TRIB3: variants seen among roughly 807,000 people sequenced by gnomAD.
The protein encoded by TRIB3 is tribbles homolog 3.
In TRIB3, 20 loss-of-function variants were observed where a neutral mutation model predicts 16.6. The observed-to-expected ratio is 1.20, with a 90% CI of 0.85 to 1.75. The LOEUF is 1.75. Among genes scored for constraint, TRIB3 ranks in the 40% most tolerant of loss-of-function variants. TRIB3 has a pLI of 0.00. For missense variants in TRIB3, 484 were observed against 488.9 expected (o/e 0.99, Z 0.10); for synonymous variants, 208 against 217.0 (o/e 0.96, Z 0.36).
intron 2 of TRIB3, among the ~76,000 whole-genome samples, chr20:390,262 A>C (rs577610584): frequency 6.6e-6 from 1 of 152,034 alleles, no homozygotes; most frequent in Admixed American, 6.6e-5. Context: ...TGGGAGGTGG[A>C]GGTTGCAGTG....
At chr20:390,951 G>A (rs1329808838) in intron 2 of TRIB3, among the ~76,000 whole-genome samples, 5 of 142,810 alleles carry the variant, frequency 3.5e-5, no homozygotes, top group African/African-American at 1.3e-4. Flanking sequence ...GCAGTGAGCT[G>A]AGATTGCGCC....
chr20:394,088 T>A (rs2015057656), intron 3 of TRIB3, among the ~76,000 whole-genome samples: 1 of 150,718 alleles, frequency 6.6e-6, no homozygotes, highest in Non-Finnish European at 1.5e-5. Flanking sequence ...TGGAGTGCAG[T>A]GGCACGATCT....
At position 391,440 on chromosome 20, in the gene TRIB3, C is replaced by G. The variant is rs752911865; in HGVS notation, c.445C>G (p.Arg149Gly). Residue 149 changes from arginine (R) to glycine (G), a missense_variant, in exon 3 of 4, where the codon CGA becomes GGA. Arg to Gly is a moderately radical substitution (Grantham distance 125, BLOSUM62 -2). Coordinates refer to ENST00000217233, the MANE Select transcript of TRIB3 (RefSeq NM_021158.5). ...CCATGGGGACATGCACAGCCTGGTGCGAAGCCGCCACCGTATCCCTGAGCC... is the reference window on the plus strand; with the variant it reads ...CCATGGGGACATGCACAGCCTGGTGGGAAGCCGCCACCGTATCCCTGAGCC... ...RTHGDMHSLV[R>G]SRHRIPEPEA... 2.7e-5 allele frequency: 44 copies of G among 1,613,866 alleles called. No individual in the cohort carries two copies. In the South Asian group the frequency reaches 4.7e-4, roughly 17 times the overall value.
rs143437909 is a variant in TRIB3 at position 388,252 on chromosome 20, G to A, written c.242G>A (p.Arg81Gln). 5.8e-5 allele frequency: 93 copies of A among 1,613,320 alleles called. No individual in the cohort carries two copies. Among genetic ancestry groups the A allele is most frequent in the African/African-American group, 5.5e-4 (41 of 75,064 alleles). ...CTCCTGGAGCCCGAGGAGGGCGGGC[G>A]GGCCTACCAGGCCCTGCACTGCCCT... ...YVLLEPEEGG[R>Q]AYQALHCPTG... is the part of the protein sequence containing the mutation. Residue 81 changes from arginine to glutamine, a missense_variant, in exon 2 of 4, where the codon CGG becomes CAG. Transcript: ENST00000217233.
rs61746925 is a variant in TRIB3, at chr20:388,210, G to A, written c.200G>A (p.Arg67His). The part of the protein sequence containing the change: ...DRATAVATAS[R>H]LGPYVLLEPE... The stretch of plus-strand genomic sequence containing the variant: ...GCAACTGCTGTGGCCACTGCCTCCC[G>A]TCTTGGGCCCTATGTCCTCCTGGAG... Residue 67 changes from arginine to histidine, a missense_variant, in exon 2 of 4, where the codon CGT becomes CAT. By Grantham distance (29) the Arg-to-His change is conservative. Transcript: ENST00000217233. 9.1e-4 allele frequency: 1,469 copies of A among 1,613,874 alleles called. 7 individuals carry two copies. In the African/African-American group the frequency reaches 0.012, roughly 13 times the overall value.
rs201377550 is a variant in TRIB3 at position 388,017 on chromosome 20, G to A, written c.7G>A (p.Ala3Thr). The A allele has an allele frequency of 1.9e-6, 3 of 1,611,410 alleles. No homozygotes were observed. The highest frequency in any genetic ancestry group is 2.5e-6 in the Non-Finnish European group (3 of 1,177,754). MR[A>T]TPLAAPAGSL... ...TTTCTCTCCTTTTTACCAGATGCGA[G>A]CCACCCCTCTGGCTGCTCCTGCGGG... The change falls in exon 2 of 4, where the codon GCC (alanine) becomes ACC (threonine). Residue 3 changes from alanine to threonine, a missense_variant. Transcript: ENST00000217233.
chr20:394,987 C>T (rs1391740190), intron 3 of TRIB3, among the ~76,000 whole-genome samples: 3 of 151,970 alleles, frequency 2.0e-5, no homozygotes, highest in Non-Finnish European at 4.4e-5. Flanking sequence ...CCCTTGTCCC[C>T]CAATACTGTG....
At chr20:383,701 A>G (rs993842093) in intron 1 of TRIB3, among the ~76,000 whole-genome samples, 3 of 152,024 alleles carry the variant, frequency 2.0e-5, no homozygotes, top group African/African-American at 7.2e-5. Context: ...CAGCCTCCCA[A>G]AGTACTGGGA....
At chr20:386,006 C>T (rs1471482144) in intron 1 of TRIB3, among the ~76,000 whole-genome samples, 1 of 151,770 alleles carries the variant, frequency 6.6e-6, no homozygotes, top group African/African-American at 2.4e-5. Flanking sequence ...TACAGGCATC[C>T]ACCACCACAC....
intron 2 of TRIB3, among the ~76,000 whole-genome samples, chr20:390,704 A>G (rs1336060226): frequency 6.6e-6 from 1 of 152,122 alleles, no homozygotes; most frequent in African/African-American, 2.4e-5. Context: ...CGTAGCAGTT[A>G]AGAGCACAGA....
Position 396,328 on chromosome 20 carries a change from G to C in TRIB3, c.715G>C (p.Gly239Arg). 6.2e-7 allele frequency: 1 copy of C among 1,613,746 alleles called. No individual in the cohort carries two copies. Among genetic ancestry groups the C allele is most frequent in the South Asian group, 1.1e-5 (1 of 91,080 alleles). Reference protein sequence around the residue: ...EILSSRASYSGKAADVWSLGV... With the variant: ...EILSSRASYSRKAADVWSLGV... ...ACTCAGCTCACGGGCCTCATACTCG[G>C]GCAAGGCAGCCGATGTCTGGAGCCT... The change falls in exon 4 of 4, where the codon GGC (glycine) becomes CGC (arginine). Residue 239 changes from glycine (G) to arginine (R), a missense_variant. Transcript: ENST00000217233.
chr20:393,485 C>A (rs569202807), intron 3 of TRIB3, among the ~76,000 whole-genome samples: 1 of 152,200 alleles, frequency 6.6e-6, no homozygotes, highest in East Asian at 1.9e-4. Context: ...GTGTGTGCCA[C>A]CCCACCTGGC....
chr20:396,570 G>A lies in TRIB3; in HGVS notation c.957G>A (p.Pro319=), dbSNP rs183328803. The A allele has an allele frequency of 5.0e-6, 8 of 1,613,138 alleles. No individual in the cohort carries two copies. Among genetic ancestry groups the A allele is most frequent in the African/African-American group, 1.3e-5 (1 of 75,070 alleles). ...TGCACCCCTGGCTGCGACAGGACCC[G>A]ATGCCCTTAGCCCCAACCCGATCCC... ...ILLHPWLRQD[P]MPLAPTRSHL... is the part of the protein sequence containing the mutation. Residue 319 remains proline, a synonymous_variant, in exon 4 of 4, where the codon CCG becomes CCA. Coordinates refer to ENST00000217233, the MANE Select transcript of TRIB3 (RefSeq NM_021158.5).
At chr20:393,555 A>T (rs1409250708) in intron 3 of TRIB3, among the ~76,000 whole-genome samples, 2 of 151,978 alleles carry the variant, frequency 1.3e-5, no homozygotes, top group African/African-American at 4.8e-5. Context: ...GAGCTCAAGC[A>T]ATCTGCCTGC....
At chr20:385,084 G>A (rs1366434111) in intron 1 of TRIB3, among the ~76,000 whole-genome samples, 1 of 152,118 alleles carries the variant, frequency 6.6e-6, no homozygotes, top group Non-Finnish European at 1.5e-5. Flanking sequence ...CTTCACAATA[G>A]GGCCTCTACT....
chr20:395,208 G>A (rs1018905263), intron 3 of TRIB3, among the ~76,000 whole-genome samples: 19 of 151,380 alleles, frequency 1.3e-4, no homozygotes, highest in Admixed American at 4.0e-4. Context: ...CACCCAGGCC[G>A]GAGTGCAGTG....
intron 1 of TRIB3, 127 bp from the exon 2 acceptor site, chr20:387,884 T>C (rs1048797002): frequency 8.7e-7 from 1 of 1,143,626 alleles, no homozygotes; most frequent in Non-Finnish European, 1.2e-6. Context: ...ATATGTGACT[T>C]TGTCATTTTA....
Position 396,568 on chromosome 20 carries a change from C to A in TRIB3, c.955C>A (p.Pro319Thr), listed in dbSNP as rs751618484. 16 of 1,613,032 alleles carry A rather than the reference C, an allele frequency of 9.9e-6. No individual in the cohort carries two copies. The highest frequency in any genetic ancestry group is 1.3e-5 in the African/African-American group (1 of 74,938). The stretch of plus-strand genomic sequence containing the variant: ...CCTGCACCCCTGGCTGCGACAGGAC[C>A]CGATGCCCTTAGCCCCAACCCGATC... The part of the protein sequence containing the change: ...ILLHPWLRQD[P>T]MPLAPTRSHL... Residue 319 changes from proline to threonine, a missense_variant, in exon 4 of 4, where the codon CCG becomes ACG. Physicochemically the swap from Pro to Thr is conservative, Grantham distance 38. Transcript: ENST00000217233.
At chr20:393,647 C>T (rs2015039580) in intron 3 of TRIB3, among the ~76,000 whole-genome samples, 1 of 152,172 alleles carries the variant, frequency 6.6e-6, no homozygotes, top group South Asian at 2.1e-4. Flanking sequence ...GAGTACTGAT[C>T]AGTTACTTTG....
Sources: gnomAD v4.1 joint callset for allele counts (sites outside exome capture counted in the v4.1 genomes callset) on GRCh38, gnomAD v4.1.1 for gene constraint, MANE v1.5 for transcripts, NCBI Gene and HGNC (gene_info 2026-07-23, HGNC 2026-07-21) for gene names.